Variants in ZFAT observed in about 807,000 individuals in gnomAD.
ZFAT encodes zinc finger and AT-hook domain containing, also known as zinc finger protein ZFAT.
Under a neutral mutation model 117.7 loss-of-function variants are expected in ZFAT, and 64 were observed. The ratio of observed to expected loss-of-function variants is 0.54; its 90% CI spans 0.44 to 0.67. The LOEUF (loss-of-function observed/expected upper bound fraction) is 0.67, where lower values mean the gene tolerates loss of function less well. ZFAT is among the 30% of genes least tolerant of loss of function. The pLI is 0.00. For missense variants in ZFAT, 1,433 were observed against 1,584.5 expected (o/e 0.90, Z 1.62); for synonymous variants, 679 against 615.0 (o/e 1.10, Z -1.54).
chr8:134,724,877 A>G, the ZFAT span, among the ~76,000 whole-genome samples: 2,930 of 152,234 alleles, frequency 0.019, 79 homozygotes, highest in African/African-American at 0.066. Context: ...TCCCTTTGCG[A>G]ACTGAAGTCC....
the ZFAT span, among the ~76,000 whole-genome samples, chr8:134,780,842 C>T: frequency 6.6e-6 from 1 of 152,204 alleles, no homozygotes; most frequent in African/African-American, 2.4e-5. Flanking sequence ...GAAAGACCTA[C>T]ATGATTATTA....
chr8:134,813,903 C>T, the ZFAT span, among the ~76,000 whole-genome samples: 1 of 151,788 alleles, frequency 6.6e-6, no homozygotes, highest in South Asian at 2.1e-4. Context: ...CAAAGGGAGG[C>T]TCAAGGGTAT....
intron 2 of ZFAT, 70 bp downstream of exon 2, chr8:134,657,491 T>C: frequency 2.8e-6 from 4 of 1,428,542 alleles, no homozygotes; most frequent in South Asian, 2.9e-5. Context: ...GCTTCTGCTA[T>C]GCCCACGGAG....
the ZFAT span, among the ~76,000 whole-genome samples, chr8:134,825,816 C>T: frequency 1.3e-5 from 2 of 152,054 alleles, no homozygotes; most frequent in African/African-American, 2.4e-5. Context: ...GTCAGGAGAT[C>T]AAGACTATCC....
chr8:134,548,865 G>T (rs901957768), intron 11 of ZFAT, among the ~76,000 whole-genome samples: 10 of 152,176 alleles, frequency 6.6e-5, no homozygotes, highest in African/African-American at 2.4e-4. Context: ...CATGTCTTCT[G>T]CTACTGCTGG....
At chr8:134,742,039 A>T in the ZFAT span, among the ~76,000 whole-genome samples, 1 of 151,912 alleles carries the variant, frequency 6.6e-6, no homozygotes, top group African/African-American at 2.4e-5. Context: ...AACAGCCCTA[A>T]CCAAGCTCTC....
At chr8:134,559,872 G>C (rs1420016351) in intron 11 of ZFAT, among the ~76,000 whole-genome samples, 1 of 151,640 alleles carries the variant, frequency 6.6e-6, no homozygotes, top group African/African-American at 2.4e-5. Context: ...CTGGGTTACT[G>C]GTAGCAGTTT....
intron 2 of ZFAT, among the ~76,000 whole-genome samples, chr8:134,654,872 C>G (rs1225054609): frequency 6.6e-6 from 1 of 152,168 alleles, no homozygotes; most frequent in East Asian, 1.9e-4. Flanking sequence ...GCAAGAGAAA[C>G]ATAGAGACAA....
At chr8:134,686,867 T>C (rs1833349146) in intron 1 of ZFAT, among the ~76,000 whole-genome samples, 1 of 152,232 alleles carries the variant, frequency 6.6e-6, no homozygotes, top group Non-Finnish European at 1.5e-5. Context: ...CATACGTCTC[T>C]GAATTTCTTT....
chr8:134,608,630 C>A, intron 5 of ZFAT, 99 bp downstream of exon 5: 2 of 1,434,628 alleles, frequency 1.4e-6, no homozygotes, highest in Non-Finnish European at 1.9e-6. Context: ...AGTTTATAAG[C>A]AGAATCCAAA....
chr8:134,684,065 T>C (rs2131307313), intron 1 of ZFAT, among the ~76,000 whole-genome samples: 1 of 152,204 alleles, frequency 6.6e-6, no homozygotes, highest in South Asian at 2.1e-4. Context: ...GGGAAAGCTG[T>C]TAACTTACAG....
the ZFAT span, among the ~76,000 whole-genome samples, chr8:134,811,139 G>C: frequency 2.0e-5 from 3 of 152,232 alleles, no homozygotes; most frequent in East Asian, 5.8e-4. Context: ...AGTGGAAAAA[G>C]AATGAGTATA....
the ZFAT span, among the ~76,000 whole-genome samples, chr8:134,731,168 A>G: frequency 1.4e-4 from 21 of 152,348 alleles, no homozygotes; most frequent in African/African-American, 4.6e-4. Flanking sequence ...TGGTGCAACC[A>G]CTTTGGAAAA....
intron 7 of ZFAT, among the ~76,000 whole-genome samples, chr8:134,594,146 C>CTACT (rs1177248490): frequency 3.3e-5 from 5 of 152,198 alleles, no homozygotes; most frequent in African/African-American, 1.2e-4. Context: ...TGAAGCTGTT[C>CTACT]TATACACAAC....
the ZFAT span, among the ~76,000 whole-genome samples, chr8:134,721,517 A>G: frequency 6.6e-6 from 1 of 152,160 alleles, no homozygotes; most frequent in African/African-American, 2.4e-5. Flanking sequence ...TACATGATTC[A>G]TCTCAAACCA....
chr8:134,640,866 T>A (rs1016114802), intron 2 of ZFAT, among the ~76,000 whole-genome samples: 2 of 152,206 alleles, frequency 1.3e-5, no homozygotes, highest in African/African-American at 4.8e-5. Context: ...GAGCTGAGAA[T>A]CTTGGGACTG....
chr8:134,525,031 T>C (rs1820924960), intron 12 of ZFAT, among the ~76,000 whole-genome samples: 1 of 152,206 alleles, frequency 6.6e-6, no homozygotes, highest in African/African-American at 2.4e-5. Context: ...ACTGGCAAAG[T>C]TAAGAACTGA....
the ZFAT span, among the ~76,000 whole-genome samples, chr8:134,804,225 A>T: frequency 6.6e-6 from 1 of 152,216 alleles, no homozygotes; most frequent in African/African-American, 2.4e-5. Context: ...GAAGCAATAA[A>T]TCTGAAAGCA....
chr8:134,494,022 A>G (rs1212273424), intron 15 of ZFAT, among the ~76,000 whole-genome samples: 1 of 152,194 alleles, frequency 6.6e-6, no homozygotes, highest in Non-Finnish European at 1.5e-5. Flanking sequence ...TGTGCATAAT[A>G]CTTGACTTTC....
Sources: gnomAD v4.1 joint callset for allele counts (sites outside exome capture counted in the v4.1 genomes callset) on GRCh38, gnomAD v4.1.1 for gene constraint, MANE v1.5 for transcripts, NCBI Gene and HGNC (gene_info 2026-07-23, HGNC 2026-07-21) for gene names.